The following CNOT9 variants were observed in gnomAD, a reference collection of about 807,000 sequenced individuals.
CNOT9 encodes CCR4-NOT transcription complex subunit 9.
Under a neutral mutation model 37.4 loss-of-function variants are expected in CNOT9, and 8 were observed. That is an observed-to-expected ratio of 0.21 (90% CI 0.13 to 0.39). CNOT9 has a LOEUF of 0.39. Ranked by LOEUF, CNOT9 falls within the 10% of genes least tolerant of loss-of-function variation. The pLI is 1.00. For synonymous variants in CNOT9, 120 were observed against 137.6 expected, an observed-to-expected ratio of 0.87 and a Z score of 0.90; for missense variants, 154 against 365.3, an observed-to-expected ratio of 0.42 and a Z score of 4.71.
At chr2:218,584,032 T>C (rs965593907) in intron 3 of CNOT9, among the ~76,000 whole-genome samples, 1 of 152,236 alleles carries the variant, frequency 6.6e-6, no homozygotes, top group Non-Finnish European at 1.5e-5. Flanking sequence ...TTTATTCGAC[T>C]GCACCTGTGA....
At chr2:218,583,170 T>G (rs1694453520) in intron 3 of CNOT9, 84 bp downstream of exon 3, 3 of 784,718 alleles carry the variant, frequency 3.8e-6, no homozygotes, top group Non-Finnish European at 4.3e-6. Context: ...AGGAAGGGCA[T>G]GGAGGAGAGA....
In CNOT9 at chr2:218,579,818, ATTTG is replaced by A. The variant is rs112718847; in HGVS notation, c.25-731_25-728del. 5.6e-3 allele frequency among the ~76,000 whole-genome samples: 843 copies of A among 149,566 alleles called. 15 individuals are homozygous for A. The highest frequency in any genetic ancestry group is 0.02 in the African/African-American group (800 of 40,526). On this transcript the variant is annotated intron_variant, in intron 1 of 7. Coordinates refer to ENST00000273064, the MANE Select transcript of CNOT9 (RefSeq NM_005444.3). ...TCTGCATTTATTTATTTATTTATTT[ATTTG>A]TTTGTTTGTTTATTGAGACAGAGTC...
At chr2:218,576,137 C>T (rs533478770) in intron 1 of CNOT9, among the ~76,000 whole-genome samples, 4 of 152,282 alleles carry the variant, frequency 2.6e-5, no homozygotes, top group Non-Finnish European at 2.9e-5. Flanking sequence ...TACTGCCCGC[C>T]TCCTTTTAAA....
At position 218,571,203 on chromosome 2, in the gene CNOT9, T is replaced by G. The variant is rs145775138; in HGVS notation, c.24+2225T>G. 3.5e-4 allele frequency among the ~76,000 whole-genome samples: 53 copies of G among 152,346 alleles called. No homozygotes were observed. The East Asian group carries it at 9.3e-3, about 27-fold the overall frequency. ...GTGTGTATCTGTGACTTTATTTATC[T>G]CTTTTTTAAAATAGTAGGTAAATCA... On this transcript the variant is annotated intron_variant, in intron 1 of 7. Transcript: ENST00000273064.
At position 218,584,630 on chromosome 2, in the gene CNOT9, A is replaced by G; in HGVS notation, c.339A>G (p.Ala113=). ...HPETRSAFLA[A]HIPLFLYPFL... ...CTTCCAGGTCAGCGTTTCTCGCAGC[A>G]CACATCCCACTTTTTTTGTACCCCT... Residue 113 remains alanine (A), a synonymous_variant, in exon 4 of 8, where the codon GCA becomes GCG. Transcript: ENST00000273064. 1 of 1,613,756 alleles carries G rather than the reference A, an allele frequency of 6.2e-7. No individual in the cohort carries two copies. Among genetic ancestry groups the G allele is most frequent in the Non-Finnish European group, 8.5e-7 (1 of 1,179,654 alleles).
rs764542712 is a variant in CNOT9, at chr2:218,594,496, C to T, written c.*220C>T. 9.4e-5 allele frequency: 52 copies of T among 553,862 alleles called. No individual in the cohort carries two copies. The highest frequency in any genetic ancestry group is 1.6e-4 in the Non-Finnish European group (51 of 314,058). The allele number at this position is 553,862 out of a possible 1,614,324, so 34.3% of individuals were successfully genotyped here. ...CTCTGCTACTCCCAGGAAATGGGCT[C>T]CTGACACAGCAGTCTGCCACCACAG... On this transcript the variant is annotated 3_prime_UTR_variant, in exon 8 of 8. Transcript: ENST00000273064.
chr2:218,585,645 T>TTA (rs1559248558), intron 4 of CNOT9, among the ~76,000 whole-genome samples: 1,747 of 97,258 alleles, frequency 0.018, 49 homozygotes, highest in African/African-American at 0.044. Context: ...TTTATTTTTT[T>TTA]TTTTTTTTTT....
At chr2:218,587,154 G>C (rs1403949569) in intron 4 of CNOT9, 1 of 151,720 alleles carries the variant, frequency 6.6e-6, no homozygotes, top group Non-Finnish European at 1.5e-5. Flanking sequence ...TTTTTTTTTA[G>C]AGAGAGTCTG....
intron 4 of CNOT9, among the ~76,000 whole-genome samples, chr2:218,585,857 G>A (rs1357876568): frequency 6.6e-6 from 1 of 151,912 alleles, no homozygotes; most frequent in African/African-American, 2.4e-5. Context: ...GCCCAGGCTT[G>A]TCTCAAACTT....
chr2:218,582,889 C>CTTT, intron 2 of CNOT9, 82 bp from the exon 3 acceptor site: 2 of 676,598 alleles, frequency 3.0e-6, no homozygotes, highest in Non-Finnish European at 2.5e-6. Context: ...TTTTATTTGC[C>CTTT]TTTTTTTTTT....
Position 218,568,899 on chromosome 2 carries a change from G to A in CNOT9, c.-56G>A, listed in dbSNP as rs8192611. ...GTTTTCCGCTGCAGGGGTGCTGAAG[G>A]GGGGACGCGGGTCGGACGCGTCCGG... is the stretch of plus-strand genomic sequence containing the variant. On this transcript the variant is annotated 5_prime_UTR_variant, in exon 1 of 8. Coordinates refer to ENST00000273064, the MANE Select transcript of CNOT9 (RefSeq NM_005444.3). 3.2e-6 allele frequency: 5 copies of A among 1,585,862 alleles called. No homozygotes were observed. The highest frequency in any genetic ancestry group is 1.7e-4 in the Middle Eastern group (1 of 6,020).
At position 218,594,410 on chromosome 2, in the gene CNOT9, A is replaced by G; in HGVS notation, c.*134A>G. The G allele has an allele frequency of 2.0e-6, 2 of 1,014,502 alleles. No homozygotes were observed. Among genetic ancestry groups the G allele is most frequent in the East Asian group, 2.6e-5 (1 of 38,184 alleles). The allele number at this position is 1,014,502 out of a possible 1,614,324, so 62.8% of individuals were successfully genotyped here. ...CTGAACCGCACTGGAGAAAAGGGGC[A>G]AGGTACCCCTGCTGAGGTGTATGGG... On this transcript the variant is annotated 3_prime_UTR_variant, in exon 8 of 8. Coordinates refer to ENST00000273064, the MANE Select transcript of CNOT9 (RefSeq NM_005444.3).
intron 3 of CNOT9, among the ~76,000 whole-genome samples, chr2:218,583,786 A>C (rs1260376005): frequency 3.3e-5 from 5 of 152,338 alleles, no homozygotes; most frequent in Middle Eastern, 3.4e-3. Context: ...AGCACTTAAC[A>C]AAAACACAAG....
Position 218,587,594 on chromosome 2 carries a change from G to T in CNOT9, c.439G>T (p.Val147Leu). ...GTCCTTATTTTCTTTAGGGGCCCTG[G>T]TGAAAACAGATGAACAAGAAGTAAT... ...LTSLGVIGAL[V>L]KTDEQEVINF... Residue 147 changes from valine (V) to leucine (L), a missense_variant, in exon 5 of 8, where the codon GTG (valine) becomes TTG (leucine). Val to Leu is a conservative substitution (Grantham distance 32, BLOSUM62 1). This residue lies in a region of CNOT9 where 117 missense variants were observed against 325.4 expected (regional missense o/e 0.36). Transcript: ENST00000273064. The T allele has an allele frequency of 6.3e-7, 1 of 1,596,564 alleles. No homozygotes were observed. The highest frequency in any genetic ancestry group is 8.5e-7 in the Non-Finnish European group (1 of 1,171,942).
At chr2:218,573,057 T>A (rs2106078324) in intron 1 of CNOT9, among the ~76,000 whole-genome samples, 1 of 152,130 alleles carries the variant, frequency 6.6e-6, no homozygotes, top group South Asian at 2.1e-4. Context: ...TGGTGGCTCA[T>A]GCCTGTAATC....
chr2:218,593,664 C>T (rs1694850418), intron 7 of CNOT9: 1 of 1,304,234 alleles, frequency 7.7e-7, no homozygotes, highest in Non-Finnish European at 9.9e-7. Context: ...AAAACTGAAG[C>T]AATTTCTGTA....
intron 5 of CNOT9, among the ~76,000 whole-genome samples, chr2:218,591,671 T>C (rs1032501240): frequency 6.7e-6 from 1 of 150,040 alleles, no homozygotes; most frequent in Non-Finnish European, 1.5e-5. Flanking sequence ...TGAACCAGGG[T>C]GGCAGAGGTT....
At chr2:218,587,522 C>T (rs1478946907) in intron 4 of CNOT9, 64 bp from the exon 5 acceptor site, 8 of 1,440,100 alleles carry the variant, frequency 5.6e-6, no homozygotes, top group Admixed American at 2.6e-5. Context: ...ATAAACAGTT[C>T]GAAGTTAATG....
chr2:218,591,837 G>C lies in CNOT9; in HGVS notation c.541-467G>C, dbSNP rs868389539. On this transcript the variant is annotated intron_variant, in intron 5 of 7. Coordinates refer to ENST00000273064, the MANE Select transcript of CNOT9 (RefSeq NM_005444.3). Reference sequence around the variant, plus strand: ...ATAAATCATCTTGGCCTATGGAAAAGAGAAGAGCCTTAGATATTCAAATGA... The same window carrying C: ...ATAAATCATCTTGGCCTATGGAAAACAGAAGAGCCTTAGATATTCAAATGA... Among the ~76,000 whole-genome samples, 28 of 152,292 alleles carry C rather than the reference G, an allele frequency of 1.8e-4. 1 individual carries two copies. The Middle Eastern group carries it at 0.017, about 93-fold the overall frequency.
Sources: gnomAD v4.1 joint callset for allele counts (sites outside exome capture counted in the v4.1 genomes callset) on GRCh38, gnomAD v4.1.1 for gene constraint, gnomAD v4.1.1 regional missense constraint, MANE v1.5 for transcripts, NCBI Gene and HGNC (gene_info 2026-07-23, HGNC 2026-07-21) for gene names.